Variants in TET3 observed in about 807,000 individuals in gnomAD.
TET3 encodes the protein methylcytosine dioxygenase TET3.
A neutral mutation model predicts 141.4 loss-of-function variants in TET3; 19 were observed. The observed-to-expected ratio is 0.13, with a 90% confidence interval of 0.09 to 0.20. The LOEUF (loss-of-function observed/expected upper bound fraction) is 0.20, where lower values mean the gene tolerates loss of function less well. TET3 is among the 10% of genes least tolerant of loss of function. TET3 has a pLI of 1.00. For synonymous variants in TET3, 1,043 were observed against 980.9 expected, an observed-to-expected ratio of 1.06 and a Z score of -1.18; for missense variants, 1,874 against 2,356.9, an observed-to-expected ratio of 0.80 and a Z score of 4.24.
At chr2:74,129,897 C>G in the TET3 span, among the ~76,000 whole-genome samples, 1 of 151,992 alleles carries the variant, frequency 6.6e-6, no homozygotes, top group South Asian at 2.1e-4. Context: ...AGTTCGAGAC[C>G]AGCCTGGCCA....
chr2:74,084,455 C>CTTT (rs752192332), intron 6 of TET3, among the ~76,000 whole-genome samples: 1 of 142,680 alleles, frequency 7.0e-6, no homozygotes, highest in African/African-American at 2.6e-5. Context: ...ATGTCTCTCT[C>CTTT]TTTTTTTTTT....
chr2:74,045,851 A>G (rs1687585949), intron 3 of TET3, among the ~76,000 whole-genome samples: 1 of 152,206 alleles, frequency 6.6e-6, no homozygotes, highest in Non-Finnish European at 1.5e-5. Context: ...CACACTTCAC[A>G]CTTAGAGCAC....
At chr2:74,044,161 G>C (rs1431538670) in intron 3 of TET3, among the ~76,000 whole-genome samples, 2 of 152,150 alleles carry the variant, frequency 1.3e-5, no homozygotes, top group African/African-American at 2.4e-5. Context: ...AGTGAACTAT[G>C]ATCATGCCAC....
intron 2 of TET3, among the ~76,000 whole-genome samples, chr2:73,994,638 CTTTTT>C (rs572235939): frequency 1.0e-5 from 1 of 96,746 alleles, no homozygotes; most frequent in African/African-American, 6.0e-5. Context: ...TTCTTTCTTT[CTTTTT>C]TTTTTTTTTT....
At chr2:74,100,277 C>A in intron 11 of TET3, 116 bp from the exon 12 acceptor site, 1 of 1,185,572 alleles carries the variant, frequency 8.4e-7, no homozygotes, top group Non-Finnish European at 1.2e-6. Flanking sequence ...CTGCCTGTCC[C>A]AAAAGAGGAA....
At chr2:74,034,765 A>G (rs1413487491) in intron 3 of TET3, among the ~76,000 whole-genome samples, 1 of 152,074 alleles carries the variant, frequency 6.6e-6, no homozygotes, top group Non-Finnish European at 1.5e-5. Context: ...CTCCTGATGC[A>G]TGTGTACAAA....
At chr2:74,089,570 G>A (rs1421646698) in intron 7 of TET3, among the ~76,000 whole-genome samples, 1 of 152,228 alleles carries the variant, frequency 6.6e-6, no homozygotes, top group African/African-American at 2.4e-5. Context: ...AGCTGGTTAA[G>A]ATATTAAGTT....
chr2:74,002,126 C>G (rs895217074), intron 2 of TET3, among the ~76,000 whole-genome samples: 16 of 152,150 alleles, frequency 1.1e-4, no homozygotes, highest in African/African-American at 3.1e-4. Flanking sequence ...TCAGAGCCGA[C>G]AGACCTGGCT....
In TET3 at chr2:74,099,329, T is replaced by C; in HGVS notation, c.3321T>C (p.Asp1107=). ...DNRCVGKIPE[D]EQLHVLPLYK... is the part of the protein sequence containing the mutation. Reference sequence around the variant, plus strand: ...GCTGCGTGGGCAAGATTCCCGAGGATGAGCAGCTGCATGTTCTCCCCCTGT... The same window carrying C: ...GCTGCGTGGGCAAGATTCCCGAGGACGAGCAGCTGCATGTTCTCCCCCTGT... Residue 1107 remains aspartate, a synonymous_variant, in exon 11 of 12, where the codon GAT becomes GAC. Coordinates refer to ENST00000409262, the MANE Select transcript of TET3 (RefSeq NM_001287491.2). The C allele has an allele frequency of 6.2e-7, 1 of 1,612,966 alleles. No individual in the cohort carries two copies. Among genetic ancestry groups the C allele is most frequent in the Non-Finnish European group, 8.5e-7 (1 of 1,179,494 alleles).
At position 74,055,202 on chromosome 2, in the gene TET3, G is replaced by A. The variant is rs566361853; in HGVS notation, c.2494+6791G>A. Among the ~76,000 whole-genome samples, 9 of 152,192 alleles carry A rather than the reference G, an allele frequency of 5.9e-5. No individual in the cohort carries two copies. The South Asian group carries it at 8.3e-4, about 14-fold the overall frequency. ...GGAGTGAGCCACCATGCCTGGCCGC[G>A]TGTTGTATTTATAAAGCATCTAGAC... is the stretch of plus-strand genomic sequence containing the variant. On this transcript the variant is annotated intron_variant, in intron 4 of 11. Transcript: ENST00000409262.
At chr2:74,016,307 A>G (rs1178498388) in intron 3 of TET3, among the ~76,000 whole-genome samples, 1 of 146,914 alleles carries the variant, frequency 6.8e-6, no homozygotes, top group African/African-American at 2.5e-5. Context: ...TGTCTCTTTA[A>G]AAAAAAAAAA....
intron 7 of TET3, among the ~76,000 whole-genome samples, chr2:74,089,130 C>A (rs1690334322): frequency 6.6e-6 from 1 of 151,954 alleles, no homozygotes; most frequent in African/African-American, 2.4e-5. Context: ...CATCTTCCCC[C>A]CGAAGTGCCC....
At chr2:74,025,092 C>T (rs1224449215) in intron 3 of TET3, among the ~76,000 whole-genome samples, 20 of 150,488 alleles carry the variant, frequency 1.3e-4, no homozygotes, top group Non-Finnish European at 2.7e-4. Context: ...GGCGTGGTGG[C>T]GGGTGCCTGT....
chr2:74,118,737 T>C, the TET3 span, among the ~76,000 whole-genome samples: 2 of 152,132 alleles, frequency 1.3e-5, no homozygotes, highest in African/African-American at 4.8e-5. Flanking sequence ...ATATAACACA[T>C]ATATATGAAC....
At chr2:74,005,749 A>G (rs138788874) in intron 3 of TET3, among the ~76,000 whole-genome samples, 4 of 152,366 alleles carry the variant, frequency 2.6e-5, no homozygotes, top group South Asian at 2.1e-4. Context: ...AGGAATACCT[A>G]TGATGTACGT....
At chr2:74,074,781 T>C (rs1008893298) in intron 5 of TET3, among the ~76,000 whole-genome samples, 1 of 152,270 alleles carries the variant, frequency 6.6e-6, no homozygotes, top group African/African-American at 2.4e-5. Context: ...ATGAGGACTA[T>C]GGAAAAGGTA....
chr2:74,080,709 G>C, intron 6 of TET3, 118 bp downstream of exon 6: 1 of 334,532 alleles, frequency 3.0e-6, no homozygotes, highest in South Asian at 2.7e-5. Flanking sequence ...CGGGGGGTGG[G>C]GCCAGGTGGG....
the TET3 span, among the ~76,000 whole-genome samples, chr2:74,118,941 C>A: frequency 1.3e-5 from 2 of 152,054 alleles, no homozygotes; most frequent in South Asian, 4.1e-4. Context: ...TTGTGTTTTC[C>A]TCCTAAACCA....
chr2:74,072,101 C>T (rs562016455), intron 4 of TET3, among the ~76,000 whole-genome samples: 1 of 152,344 alleles, frequency 6.6e-6, no homozygotes, highest in African/African-American at 2.4e-5. Context: ...TACCCAGCCC[C>T]CAGCCTCTGG....
Sources: allele counts gnomAD v4.1 joint callset (sites outside exome capture counted in the v4.1 genomes callset), GRCh38; gene constraint gnomAD v4.1.1; transcripts MANE v1.5; gene names NCBI Gene and HGNC (gene_info 2026-07-23, HGNC 2026-07-21).